SRFBP1: variants seen among roughly 807,000 people sequenced by gnomAD.
SRFBP1 encodes the protein serum response factor-binding protein 1.
Under a neutral mutation model 45.5 loss-of-function variants are expected in SRFBP1, and 47 were observed. The observed-to-expected ratio is 1.03, with a 90% CI of 0.82 to 1.32. The LOEUF (loss-of-function observed/expected upper bound fraction) is 1.32, where lower values mean the gene tolerates loss of function less well. SRFBP1 is among the 40% of genes most tolerant of loss of function. The pLI, the probability that SRFBP1 is intolerant of heterozygous loss-of-function variation, is 0.00. For missense variants in SRFBP1, 621 were observed against 484.6 expected (o/e 1.28, Z -2.64); for synonymous variants, 203 against 166.3 (o/e 1.22, Z -1.70).
chr5:121,975,798 A>G (rs1438243672), intron 3 of SRFBP1, among the ~76,000 whole-genome samples: 2 of 151,820 alleles, frequency 1.3e-5, no homozygotes, highest in Non-Finnish European at 2.9e-5. Context: ...ATAAATTTTT[A>G]TGTATTGGTA....
chr5:121,976,079 T>C (rs1429512020), intron 3 of SRFBP1, among the ~76,000 whole-genome samples: 2 of 152,062 alleles, frequency 1.3e-5, no homozygotes, highest in Non-Finnish European at 2.9e-5. Flanking sequence ...TTGCCTATTA[T>C]ATTTTGGTAT....
At chr5:121,977,346 A>G (rs1752324488) in intron 3 of SRFBP1, among the ~76,000 whole-genome samples, 1 of 152,092 alleles carries the variant, frequency 6.6e-6, no homozygotes, top group African/African-American at 2.4e-5. Flanking sequence ...GGCTACTCTG[A>G]CTTCAACTTC....
intron 2 of SRFBP1, among the ~76,000 whole-genome samples, chr5:122,059,346 G>C (rs981215473): frequency 6.6e-6 from 1 of 152,064 alleles, no homozygotes; most frequent in Admixed American, 6.6e-5. Flanking sequence ...AATTAGTGAG[G>C]AAACTGTACC....
downstream of SRFBP1, among the ~76,000 whole-genome samples, chr5:122,032,845 A>G (rs2112722216): frequency 6.6e-6 from 1 of 152,298 alleles, no homozygotes; most frequent in East Asian, 1.9e-4. Flanking sequence ...AGTTTTGTTG[A>G]AAATTGCTAA....
intron 2 of SRFBP1, among the ~76,000 whole-genome samples, chr5:122,039,820 T>A (rs1391141662): frequency 9.2e-5 from 14 of 152,032 alleles, no homozygotes; most frequent in Non-Finnish European, 2.9e-5. Flanking sequence ...ACATATATGA[T>A]ATATGGTTGG....
At chr5:121,969,764 A>C (rs1444506138) in intron 1 of SRFBP1, among the ~76,000 whole-genome samples, 1 of 152,038 alleles carries the variant, frequency 6.6e-6, no homozygotes, top group African/African-American at 2.4e-5. Context: ...GGCTTGGCTT[A>C]ATCAGTCTTG....
intron 7 of SRFBP1, among the ~76,000 whole-genome samples, chr5:122,025,924 T>C (rs902986064): frequency 1.3e-5 from 2 of 152,050 alleles, no homozygotes; most frequent in Admixed American, 1.3e-4. Context: ...AATATGTCTC[T>C]ACTAAAAATA....
At chr5:122,057,030 T>G (rs757911839) in intron 2 of SRFBP1, among the ~76,000 whole-genome samples, 4 of 152,148 alleles carry the variant, frequency 2.6e-5, no homozygotes, top group Non-Finnish European at 5.9e-5. Flanking sequence ...AATTTAAAAT[T>G]GAAAAATCTG....
Position 122,020,651 on chromosome 5 carries a change from G to A in SRFBP1, c.916G>A (p.Glu306Lys). ...KESSCHSSVK[E>K]QKPLEKVFLK... The stretch of plus-strand genomic sequence containing the variant: ...AAGTAGTTGTCATTCTTCAGTTAAG[G>A]AACAAAAACCACTAGAAAAAGTGTT... The change falls in exon 6 of 8, where the codon GAA (glutamate) becomes AAA (lysine). Residue 306 changes from glutamate (E) to lysine (K), a missense_variant. By Grantham distance (56) the Glu-to-Lys change is moderately conservative. Transcript: ENST00000339397. The A allele has an allele frequency of 6.2e-7, 1 of 1,613,790 alleles. No homozygotes were observed.
intron 3 of SRFBP1, among the ~76,000 whole-genome samples, chr5:121,986,427 A>C (rs1268828719): frequency 6.6e-6 from 1 of 152,108 alleles, no homozygotes; most frequent in Non-Finnish European, 1.5e-5. Flanking sequence ...GACAAGTGTT[A>C]TAATTAGGTT....
At chr5:121,963,348 A>G (rs568803320) in intron 1 of SRFBP1, among the ~76,000 whole-genome samples, 1 of 152,174 alleles carries the variant, frequency 6.6e-6, no homozygotes, top group Non-Finnish European at 1.5e-5. Flanking sequence ...ATAAACATAC[A>G]TTAAGCTTGT....
At chr5:122,075,287 A>T (rs1754583925) in intron 2 of SRFBP1, 1 of 906,848 alleles carries the variant, frequency 1.1e-6, no homozygotes, top group Non-Finnish European at 1.6e-6. Flanking sequence ...AATTCTAAAT[A>T]TAAGTAATAG....
At chr5:121,978,548 G>C (rs928399360) in intron 3 of SRFBP1, among the ~76,000 whole-genome samples, 5 of 151,912 alleles carry the variant, frequency 3.3e-5, no homozygotes, top group African/African-American at 1.2e-4. Context: ...CTGGAGTGCA[G>C]TGACCCGATC....
intron 3 of SRFBP1, among the ~76,000 whole-genome samples, chr5:121,978,081 A>G (rs1350720131): frequency 6.6e-6 from 1 of 152,180 alleles, no homozygotes; most frequent in East Asian, 1.9e-4. Flanking sequence ...GCATATACTG[A>G]AATTACTCAA....
rs982319842 is a variant in SRFBP1, at chr5:122,027,673, A to G, written c.*547A>G. Reference sequence around the variant, plus strand: ...ATAGGAAATCAGCTATTTAAACCAGATCACCCTTGTTAAAAATCATTCTTG... The same window carrying G: ...ATAGGAAATCAGCTATTTAAACCAGGTCACCCTTGTTAAAAATCATTCTTG... On this transcript the variant is annotated 3_prime_UTR_variant, in exon 8 of 8. Transcript: ENST00000339397. 1.3e-5 allele frequency: 2 copies of G among 152,136 alleles called. No individual in the cohort carries two copies. Among genetic ancestry groups the G allele is most frequent in the African/African-American group, 4.8e-5 (2 of 41,452 alleles). 9.4% of individuals were successfully genotyped at this position (152,136 alleles called of 1,614,324 possible).
chr5:122,072,959 T>C (rs545610155), intron 2 of SRFBP1, among the ~76,000 whole-genome samples: 1 of 152,340 alleles, frequency 6.6e-6, no homozygotes, highest in Admixed American at 6.5e-5. Context: ...ACATGAATAA[T>C]GTGTGGGTAA....
chr5:122,021,476 C>T (rs1753320099), intron 6 of SRFBP1, among the ~76,000 whole-genome samples: 1 of 152,064 alleles, frequency 6.6e-6, no homozygotes. Context: ...CAGGGATAGT[C>T]TTTAATGAAA....
At chr5:122,008,374 G>A (rs1434555889) in intron 4 of SRFBP1, among the ~76,000 whole-genome samples, 2 of 152,090 alleles carry the variant, frequency 1.3e-5, no homozygotes, top group Non-Finnish European at 2.9e-5. Flanking sequence ...CTGGAGTCGG[G>A]GCCTGTGACG....
downstream of SRFBP1, chr5:122,076,924 T>C: frequency 6.2e-7 from 1 of 1,613,622 alleles, no homozygotes; most frequent in Non-Finnish European, 8.5e-7. Context: ...GCCGCGCATC[T>C]CAGGTTGTAC....
Sources: gnomAD v4.1 joint callset for allele counts (sites outside exome capture counted in the v4.1 genomes callset) on GRCh38, gnomAD v4.1.1 for gene constraint, MANE v1.5 for transcripts, NCBI Gene and HGNC (gene_info 2026-07-23, HGNC 2026-07-21) for gene names.